The following CSMD2 variants were observed in gnomAD, a reference collection of about 807,000 sequenced individuals.
The protein encoded by CSMD2 is CUB and Sushi multiple domains 2.
Under a neutral mutation model 398.5 loss-of-function variants are expected in CSMD2, and 130 were observed. The observed-to-expected ratio is 0.33, with a 90% CI of 0.28 to 0.38. The LOEUF (loss-of-function observed/expected upper bound fraction) is 0.38. Among genes scored for constraint, CSMD2 ranks in the 10% least tolerant of loss-of-function variants. The pLI is 1.00. For synonymous variants in CSMD2, 1,828 were observed against 1,908.5 expected, an observed-to-expected ratio of 0.96 and a Z score of 1.10; for missense variants, 3,829 against 4,764.9, an observed-to-expected ratio of 0.80 and a Z score of 5.78.
chr1:34,009,345 G>T lies in CSMD2; in HGVS notation c.517+23249C>A, dbSNP rs1647168221. 2.7e-5 allele frequency among the ~76,000 whole-genome samples: 4 copies of T among 150,190 alleles called. No individual in the cohort carries two copies. The South Asian group carries it at 8.7e-4, about 33-fold the overall frequency. ...TCTTGCCTCAGCCCCCTGAATTGAG[G>T]GTCGGGGGTGGGGGAAGGTGGAAGG... On this transcript the variant is annotated intron_variant, in intron 3 of 70. Transcript: ENST00000373381.
At chr1:34,015,063 G>A (rs1647890551) in intron 3 of CSMD2, among the ~76,000 whole-genome samples, 1 of 152,226 alleles carries the variant, frequency 6.6e-6, no homozygotes, top group African/African-American at 2.4e-5. Flanking sequence ...AAGAAAAGAA[G>A]GAAGTCCTCC....
rs76251518 is a variant in CSMD2 at position 33,851,856 on chromosome 1, G to C, written c.921-4860C>G. ...ACTGAGTGAATGCCTGGGACAAATG[G>C]AAGTTTCTTTTGAATATGAGTTGCT... On this transcript the variant is annotated intron_variant, in intron 5 of 70. Transcript: ENST00000373381. 3.9e-5 allele frequency among the ~76,000 whole-genome samples: 6 copies of C among 152,214 alleles called. No individual in the cohort carries two copies. The Middle Eastern group carries it at 0.01, about 259-fold the overall frequency.
rs559441725 is a variant in CSMD2 at position 33,781,625 on chromosome 1, C to G, written c.1663+6975G>C. The stretch of plus-strand genomic sequence containing the variant: ...CCAGCTTCTTCCTCCCCTGGGCCAG[C>G]CTCCCAGACTCAGCATTAAGCTGCC... On this transcript the variant is annotated intron_variant, in intron 12 of 70. Coordinates refer to ENST00000373381, the MANE Select transcript of CSMD2 (RefSeq NM_001281956.2). Among the ~76,000 whole-genome samples, 7 of 152,300 alleles carry G rather than the reference C, an allele frequency of 4.6e-5. No homozygotes were observed. The East Asian group carries it at 1.2e-3, about 25-fold the overall frequency.
intron 1 of CSMD2, among the ~76,000 whole-genome samples, chr1:34,142,482 T>C (rs1319170951): frequency 2.0e-5 from 3 of 152,126 alleles, no homozygotes; most frequent in Non-Finnish European, 4.4e-5. Flanking sequence ...GGTGATCCCG[T>C]CACCATCTCT....
intron 14 of CSMD2, among the ~76,000 whole-genome samples, chr1:33,740,004 T>G (rs1218759585): frequency 6.6e-6 from 1 of 152,200 alleles, no homozygotes. Context: ...GGACAACTTA[T>G]GCAATTCTGA....
intron 6 of CSMD2, among the ~76,000 whole-genome samples, chr1:33,829,250 C>T (rs1276532368): frequency 6.6e-6 from 1 of 152,176 alleles, no homozygotes; most frequent in Non-Finnish European, 1.5e-5. Flanking sequence ...ACAGTTGGCA[C>T]ACACCATATG....
chr1:33,890,396 A>G (rs1448328298), intron 5 of CSMD2, among the ~76,000 whole-genome samples: 2 of 151,796 alleles, frequency 1.3e-5, no homozygotes, highest in African/African-American at 2.4e-5. Context: ...ACGCCTGGCT[A>G]ATTTTTTGTA....
chr1:33,559,167 C>G lies in CSMD2; in HGVS notation c.8554+133G>C. 3.9e-6 allele frequency: 3 copies of G among 776,762 alleles called. No homozygotes were observed. Among genetic ancestry groups the G allele is most frequent in the Non-Finnish European group, 5.9e-6 (3 of 508,538 alleles). The allele number at this position is 776,762 out of a possible 1,614,324, so 48.1% of individuals were successfully genotyped here. The stretch of plus-strand genomic sequence containing the variant: ...GGTTGAGAAAGTCCTCATTTATGAC[C>G]CTTCTCTGCTCCATCTTCCCTATCT... On this transcript the variant is annotated intron_variant, in intron 54 of 70. Coordinates refer to ENST00000373381, the MANE Select transcript of CSMD2 (RefSeq NM_001281956.2). The surrounding 1 kb of genome is among the most constrained non-coding windows in gnomAD (Gnocchi z 4.0).
intron 19 of CSMD2, among the ~76,000 whole-genome samples, chr1:33,718,288 C>T (rs570008161): frequency 3.3e-4 from 51 of 152,344 alleles, no homozygotes; most frequent in African/African-American, 1.2e-3. Flanking sequence ...TATAGAGCAG[C>T]ATGGTCTTAA....
chr1:33,565,086 A>G (rs1461995413), intron 53 of CSMD2, among the ~76,000 whole-genome samples: 1 of 152,242 alleles, frequency 6.6e-6, no homozygotes, highest in African/African-American at 2.4e-5. Context: ...GCCCAGGCAG[A>G]GTTACTTCTC....
intron 44 of CSMD2, among the ~76,000 whole-genome samples, chr1:33,594,383 C>A (rs2148779162): frequency 6.6e-6 from 1 of 152,286 alleles, no homozygotes; most frequent in Non-Finnish European, 1.5e-5. Flanking sequence ...AATCTAACGT[C>A]AAAAATTAGC....
intron 5 of CSMD2, among the ~76,000 whole-genome samples, chr1:33,869,666 A>G (rs1411017605): frequency 6.6e-6 from 1 of 152,196 alleles, no homozygotes; most frequent in African/African-American, 2.4e-5. Flanking sequence ...TCCTGGTCCC[A>G]GGACCACAGA....
intron 1 of CSMD2, among the ~76,000 whole-genome samples, chr1:34,135,825 T>C (rs917855946): frequency 4.6e-5 from 7 of 152,096 alleles, no homozygotes; most frequent in Non-Finnish European, 1.0e-4. Context: ...AAATATAATT[T>C]GTGTTCCATT....
chr1:33,644,393 T>G (rs1463679015), intron 29 of CSMD2, among the ~76,000 whole-genome samples: 1 of 152,122 alleles, frequency 6.6e-6, no homozygotes, highest in Non-Finnish European at 1.5e-5. Flanking sequence ...AATCATCTTA[T>G]AAAAAATGAG....
chr1:33,970,044 T>C (rs1645700624), intron 3 of CSMD2, among the ~76,000 whole-genome samples: 1 of 149,770 alleles, frequency 6.7e-6, no homozygotes, highest in South Asian at 2.1e-4. Flanking sequence ...AGGCGGAGGT[T>C]GCAGTAAGCC....
In CSMD2 at chr1:33,707,683, A is replaced by ACGCG. The variant is rs148089714; in HGVS notation, c.3576+1402_3576+1405dup. On this transcript the variant is annotated intron_variant, in intron 22 of 70. Transcript: ENST00000373381. ...GCATTTCAAACACGCACGCGTGCACACGCGCGCGCGCGCACACACACACAC... is the reference window on the plus strand; with the variant it reads ...GCATTTCAAACACGCACGCGTGCACACGCGCGCGCGCGCGCGCACACACACACAC... Among the ~76,000 whole-genome samples, 421 of 72,270 alleles carry ACGCG rather than the reference A, an allele frequency of 5.8e-3. 3 individuals are homozygous for ACGCG. The highest frequency in any genetic ancestry group is 6.2e-3 in the Non-Finnish European group (231 of 37,312). 47.4% of individuals were successfully genotyped at this position (72,270 alleles called of 152,430 possible).
intron 2 of CSMD2, among the ~76,000 whole-genome samples, chr1:34,053,165 C>G (rs1221238127): frequency 6.6e-6 from 1 of 152,192 alleles, no homozygotes; most frequent in African/African-American, 2.4e-5. Context: ...CACACACCAT[C>G]AATCATCTCT....
At chr1:33,664,877 C>A (rs1019022446) in intron 25 of CSMD2, among the ~76,000 whole-genome samples, 6 of 151,652 alleles carry the variant, frequency 4.0e-5, no homozygotes, top group Admixed American at 6.6e-5. Flanking sequence ...CTAAATTATC[C>A]TCTCAAGTGA....
At chr1:33,554,461 G>A (rs1380023062) in intron 55 of CSMD2, among the ~76,000 whole-genome samples, 2 of 152,016 alleles carry the variant, frequency 1.3e-5, no homozygotes, top group African/African-American at 4.8e-5. Context: ...CCAAAGTGCT[G>A]GGATTACACG....
Sources: gnomAD v4.1 joint callset for allele counts (sites outside exome capture counted in the v4.1 genomes callset) on GRCh38, gnomAD v4.1.1 for gene constraint, Gnocchi (gnomAD v3.1) non-coding constraint, MANE v1.5 for transcripts, NCBI Gene and HGNC (gene_info 2026-07-23, HGNC 2026-07-21) for gene names.